TMEM232: variants seen among roughly 807,000 people sequenced by gnomAD.
TMEM232 encodes the protein transmembrane protein 232.
A neutral mutation model predicts 78.8 loss-of-function variants in TMEM232; 80 were observed. The ratio of observed to expected loss-of-function variants is 1.01; its 90% CI spans 0.85 to 1.22. TMEM232 has a LOEUF of 1.22. TMEM232 is among the 50% of genes most tolerant of loss of function. The pLI, the probability that TMEM232 is intolerant of heterozygous loss-of-function variation, is 0.00. For missense variants in TMEM232, 881 were observed against 742.2 expected (o/e 1.19, Z -2.17); for synonymous variants, 297 against 254.3 (o/e 1.17, Z -1.60).
At chr5:110,388,419 C>T (rs1337992150) in intron 4 of TMEM232, among the ~76,000 whole-genome samples, 1 of 152,168 alleles carries the variant, frequency 6.6e-6, no homozygotes, top group Non-Finnish European at 1.5e-5. Flanking sequence ...CCTGTACAAG[C>T]TTCCAGTTTG....
At chr5:110,433,458 C>T (rs988844202) in intron 12 of TMEM232, among the ~76,000 whole-genome samples, 3 of 151,656 alleles carry the variant, frequency 2.0e-5, no homozygotes, top group Non-Finnish European at 4.4e-5. Context: ...ATACCAAAAA[C>T]TCAGGGATGC....
Position 110,568,453 on chromosome 5 carries a change from T to A in TMEM232, c.1449A>T (p.Ile483=). Residue 483 remains isoleucine, a synonymous_variant, in exon 11 of 14, where the codon ATA becomes ATT. Coordinates refer to ENST00000455884, the MANE Select transcript of TMEM232 (RefSeq NM_001039763.4). Reference sequence around the variant, plus strand: ...GCCCAGTGTTTTACCTTACCTGAGCTATATTGATTGCATTTTGGATTCGTA... The same window carrying A: ...GCCCAGTGTTTTACCTTACCTGAGCAATATTGATTGCATTTTGGATTCGTA... ...EDVRIQNAIN[I]AQAELNDPTD... is the part of the protein sequence containing the mutation. 6.5e-7 allele frequency: 1 copy of A among 1,545,268 alleles called. No homozygotes were observed. Among genetic ancestry groups the A allele is most frequent in the Non-Finnish European group, 8.7e-7 (1 of 1,144,382 alleles).
At chr5:110,504,370 T>A (rs1200841931) in intron 12 of TMEM232, among the ~76,000 whole-genome samples, 3 of 152,198 alleles carry the variant, frequency 2.0e-5, no homozygotes, top group Admixed American at 6.6e-5. Context: ...GATACGGGAA[T>A]AGAAGACAGC....
At chr5:110,635,675 C>T (rs899056792) in intron 5 of TMEM232, among the ~76,000 whole-genome samples, 4 of 151,670 alleles carry the variant, frequency 2.6e-5, no homozygotes, top group Non-Finnish European at 4.4e-5. Flanking sequence ...AGGAACATGC[C>T]TCAAAATAAT....
chr5:110,503,478 T>C (rs1217804928), intron 12 of TMEM232, among the ~76,000 whole-genome samples: 1 of 152,106 alleles, frequency 6.6e-6, no homozygotes, highest in African/African-American at 2.4e-5. Flanking sequence ...TTAAAACAAA[T>C]GTAGATAGTT....
intron 10 of TMEM232, among the ~76,000 whole-genome samples, chr5:110,585,771 C>T (rs1778740462): frequency 6.6e-6 from 1 of 152,044 alleles, no homozygotes. Flanking sequence ...AGCAGTTTCT[C>T]ATCCAGCTCC....
At chr5:110,436,045 T>C (rs74985485) in intron 12 of TMEM232, among the ~76,000 whole-genome samples, 3,440 of 152,040 alleles carry the variant, frequency 0.023, 52 homozygotes, top group Non-Finnish European at 0.038. Flanking sequence ...GTGCTCTCCA[T>C]AGTGGTTGTA....
intron 11 of TMEM232, among the ~76,000 whole-genome samples, chr5:110,562,741 A>C (rs928774864): frequency 2.1e-4 from 32 of 152,026 alleles, no homozygotes; most frequent in African/African-American, 7.7e-4. Context: ...GTAAATAATA[A>C]ATATTTATTT....
intron 11 of TMEM232, among the ~76,000 whole-genome samples, chr5:110,538,420 C>A (rs1772677593): frequency 6.6e-6 from 1 of 152,002 alleles, no homozygotes; most frequent in Non-Finnish European, 1.5e-5. Flanking sequence ...AAATGGCAGG[C>A]AAAAATTATG....
At chr5:110,709,482 G>A (rs755754486) in intron 1 of TMEM232, among the ~76,000 whole-genome samples, 10 of 151,998 alleles carry the variant, frequency 6.6e-5, no homozygotes, top group Non-Finnish European at 1.0e-4. Flanking sequence ...CATATGTTAG[G>A]TCACAGAATT....
chr5:110,587,569 C>G (rs1778964564), intron 10 of TMEM232, among the ~76,000 whole-genome samples: 1 of 150,930 alleles, frequency 6.6e-6, no homozygotes, highest in African/African-American at 2.4e-5. Flanking sequence ...TTACTCTTTC[C>G]TTGAAAATAG....
intron 1 of TMEM232, among the ~76,000 whole-genome samples, chr5:110,707,173 T>C (rs403223): frequency 0.79 from 120,097 of 152,074 alleles, 49,005 homozygotes; most frequent in East Asian, 0.94. Flanking sequence ...AGAAAAGCAC[T>C]ATCACAAGAA....
chr5:110,417,414 A>C (rs1363869459), downstream of TMEM232, among the ~76,000 whole-genome samples: 6 of 152,194 alleles, frequency 3.9e-5, no homozygotes, highest in Non-Finnish European at 8.8e-5. Flanking sequence ...TCTGGTACCC[A>C]ACCCAGTCTA....
chr5:110,533,595 G>A (rs1771876320), intron 11 of TMEM232, among the ~76,000 whole-genome samples: 1 of 152,090 alleles, frequency 6.6e-6, no homozygotes, highest in African/African-American at 2.4e-5. Flanking sequence ...CACACCTGAT[G>A]CATATACTTT....
chr5:110,617,358 T>C (rs1397992135), intron 8 of TMEM232, among the ~76,000 whole-genome samples: 2 of 150,262 alleles, frequency 1.3e-5, no homozygotes, highest in Non-Finnish European at 2.9e-5. Context: ...TGATCTATTG[T>C]GCAGCATTGT....
chr5:110,577,563 C>T (rs1777705512), intron 10 of TMEM232, among the ~76,000 whole-genome samples: 2 of 152,082 alleles, frequency 1.3e-5, no homozygotes, highest in Non-Finnish European at 2.9e-5. Flanking sequence ...TATGAAGACA[C>T]ATGCATGTGT....
At chr5:110,461,483 C>A (rs532616178) in intron 12 of TMEM232, among the ~76,000 whole-genome samples, 131 of 152,240 alleles carry the variant, frequency 8.6e-4, no homozygotes, top group African/African-American at 3.1e-3. Context: ...CAAGGTGAAG[C>A]GGCAAGTGCT....
intron 2 of TMEM232, among the ~76,000 whole-genome samples, chr5:110,403,619 A>G (rs1359128396): frequency 6.6e-6 from 1 of 152,062 alleles, no homozygotes; most frequent in East Asian, 1.9e-4. Flanking sequence ...GGAATTCTTT[A>G]TGCTGGAGGG....
chr5:110,402,593 G>C (rs115286085), intron 2 of TMEM232, among the ~76,000 whole-genome samples: 146 of 152,178 alleles, frequency 9.6e-4, no homozygotes, highest in African/African-American at 3.3e-3. Flanking sequence ...GACAGGACTT[G>C]GGAGAACCAG....
Sources: gnomAD v4.1 joint callset for allele counts (sites outside exome capture counted in the v4.1 genomes callset) on GRCh38, gnomAD v4.1.1 for gene constraint, MANE v1.5 for transcripts, NCBI Gene and HGNC (gene_info 2026-07-23, HGNC 2026-07-21) for gene names.